The following NUP214 variants were observed in gnomAD, a reference collection of about 807,000 sequenced individuals.
The protein encoded by NUP214 is nuclear pore complex protein Nup214.
In NUP214, 79 loss-of-function variants were observed where a neutral mutation model predicts 196.2. The observed-to-expected ratio is 0.40, with a 90% CI of 0.34 to 0.49. The LOEUF (loss-of-function observed/expected upper bound fraction) is 0.49. NUP214 is among the 20% of genes least tolerant of loss of function. NUP214 has a pLI of 0.58. For missense variants in NUP214, 2,468 were observed against 2,539.0 expected (o/e 0.97, Z 0.60); for synonymous variants, 1,020 against 990.5 (o/e 1.03, Z -0.56).
Position 131,233,674 on chromosome 9 carries a change from C to T in NUP214, c.*187C>T, listed in dbSNP as rs183733867. On this transcript the variant is annotated 3_prime_UTR_variant, in exon 36 of 36. Transcript: ENST00000359428. The stretch of plus-strand genomic sequence containing the variant: ...TTTTATATTTCATGTTGGGTTTTCC[C>T]TCCCACTATTAAACAGTCTGTTTCC... 8 of 690,608 alleles carry T rather than the reference C, an allele frequency of 1.2e-5. No homozygotes were observed. The highest frequency in any genetic ancestry group is 8.5e-5 in the East Asian group (3 of 35,420). The allele number at this position is 690,608 out of a possible 1,614,324, so 42.8% of individuals were successfully genotyped here.
rs1323797029 is a variant in NUP214, at chr9:131,152,964, T to TG, written c.2436+1074dup. On this transcript the variant is annotated intron_variant, in intron 17 of 35. Coordinates refer to ENST00000359428, the MANE Select transcript of NUP214 (RefSeq NM_005085.4). Reference sequence around the variant, plus strand: ...CTGATTTTTAAATTTTTTGTAGAGATGGGGTCTCACTACATTATCCAGGCT... The same window carrying TG: ...CTGATTTTTAAATTTTTTGTAGAGATGGGGGTCTCACTACATTATCCAGGCT... 3.3e-5 allele frequency among the ~76,000 whole-genome samples: 5 copies of TG among 152,014 alleles called. No homozygotes were observed. In the East Asian group the frequency reaches 5.8e-4, roughly 18 times the overall value.
At chr9:131,164,314 C>T in intron 21 of NUP214, 170 bp downstream of exon 21, 1 of 617,112 alleles carries the variant, frequency 1.6e-6, no homozygotes, top group Non-Finnish European at 2.9e-6. Context: ...TCTCCAGAAT[C>T]TGTTGTTAAT....
intron 28 of NUP214, among the ~76,000 whole-genome samples, 169 bp from the exon 29 acceptor site, chr9:131,197,047 G>A (rs559538420): frequency 6.6e-6 from 1 of 152,330 alleles, no homozygotes; most frequent in South Asian, 2.1e-4. Context: ...TGATGTTTGT[G>A]TGGAGAAGCA....
chr9:131,210,514 C>G (rs1834210286), intron 30 of NUP214, among the ~76,000 whole-genome samples: 1 of 151,924 alleles, frequency 6.6e-6, no homozygotes, highest in Non-Finnish European at 1.5e-5. Context: ...GTAGTCCCAG[C>G]TACTCGGGAG....
chr9:131,178,416 T>G lies in NUP214; in HGVS notation c.3419+6T>G, dbSNP rs758326079. On this transcript the variant is annotated splice_donor_region_variant and intron_variant, in intron 24 of 35. Coordinates refer to ENST00000359428, the MANE Select transcript of NUP214 (RefSeq NM_005085.4). ...ACCCCTTCTACAGCCATGGGGTATG[T>G]TCTGACTGCAGTGTGTTTCAGCCCC... The G allele has an allele frequency of 3.1e-6, 5 of 1,597,816 alleles. No homozygotes were observed. In the South Asian group the frequency reaches 5.5e-5, roughly 18 times the overall value.
chr9:131,156,130 C>CTTTTTTTTTTTTTTTTTTTTTTGT (rs71389397), intron 17 of NUP214, among the ~76,000 whole-genome samples: 1 of 70,900 alleles, frequency 1.4e-5, no homozygotes, highest in Non-Finnish European at 2.8e-5. Flanking sequence ...GTATTTCTGT[C>CTTTTTTTTTTTTTTTTTTTTTTGT]TTTTTTTTTT....
intron 4 of NUP214, among the ~76,000 whole-genome samples, chr9:131,129,912 C>G (rs2133445046): frequency 6.6e-6 from 1 of 151,868 alleles, no homozygotes; most frequent in East Asian, 1.9e-4. Flanking sequence ...TGAGAGTATT[C>G]TTTATACCCA....
chr9:131,135,978 T>C lies in NUP214; in HGVS notation c.977T>C (p.Val326Ala), dbSNP rs1204422398. The C allele has an allele frequency of 6.2e-7, 1 of 1,613,902 alleles. No homozygotes were observed. ...VLAASAASTE[V>A]SILARQSDQI... ...GCAGCATCTGCGGCTTCAACAGAAG[T>C]TAGTATCCTTGCTCGACAAAGTGAT... The change falls in exon 9 of 36, where the codon GTT becomes GCT. Residue 326 changes from valine (V) to alanine (A), a missense_variant. Val to Ala is a moderately conservative substitution (Grantham distance 64, BLOSUM62 0). Around this residue, in one of 5 missense-constraint regions of NUP214, gnomAD observed 392 missense variants for 417.9 expected, o/e 0.94. Coordinates refer to ENST00000359428, the MANE Select transcript of NUP214 (RefSeq NM_005085.4).
chr9:131,127,729 C>CTGGT lies in NUP214; in HGVS notation c.241+12_241+15dup, dbSNP rs752689952. On this transcript the variant is annotated intron_variant, in intron 2 of 35. Transcript: ENST00000359428. ...GATCCCAACAAAATAGGTAAGTTCC[C>CTGGT]TGGTTTATGTTGCAAAGTAGAGAGA... 2.5e-6 allele frequency: 4 copies of CTGGT among 1,605,594 alleles called. No homozygotes were observed. The highest frequency in any genetic ancestry group is 3.4e-6 in the Non-Finnish European group (4 of 1,173,042).
Position 131,129,369 on chromosome 9 carries a change from C to T in NUP214, c.484C>T (p.Pro162Ser), listed in dbSNP as rs1444417382. Residue 162 changes from proline to serine, a missense_variant, in exon 4 of 36, where the codon CCC becomes TCC. Transcript: ENST00000359428. ...TGATATGAAGTGGAACCCCACTGTC[C>T]CCTCCATGGTGGCAGTTTGTCTGGC... ...VIDMKWNPTV[P>S]SMVAVCLADG... is the part of the protein sequence containing the mutation. The T allele has an allele frequency of 6.2e-7, 1 of 1,613,990 alleles. No homozygotes were observed. The highest frequency in any genetic ancestry group is 2.2e-5 in the East Asian group (1 of 44,880).
At chr9:131,149,352 G>A (rs1020533191) in intron 14 of NUP214, among the ~76,000 whole-genome samples, 2 of 151,574 alleles carry the variant, frequency 1.3e-5, no homozygotes, top group African/African-American at 4.9e-5. Context: ...TATCTTTAAA[G>A]CAGAACTCTT....
rs1554728078 is a variant in NUP214, at chr9:131,130,144, T to TTG, written c.593-621_593-620insGT. On this transcript the variant is annotated intron_variant, in intron 4 of 35. Transcript: ENST00000359428. ...AGAATGATTTCTGGTTTTGTTTTTT[T>TTG]TTTTTTGTTTTTTTTTTGAGACAGA... 5.6e-5 allele frequency among the ~76,000 whole-genome samples: 6 copies of TTG among 106,786 alleles called. 1 individual carries two copies. Among genetic ancestry groups the TTG allele is most frequent in the African/African-American group, 1.4e-4 (4 of 28,472 alleles). 70.1% of individuals were successfully genotyped at this position (106,786 alleles called of 152,430 possible).
intron 21 of NUP214, among the ~76,000 whole-genome samples, chr9:131,168,412 T>C (rs1474721798): frequency 5.3e-5 from 8 of 152,188 alleles, no homozygotes; most frequent in Non-Finnish European, 1.0e-4. Context: ...GGTAGCTGGG[T>C]GCTTTTTACT....
In NUP214 at chr9:131,144,631, G is replaced by A. The variant is rs760122887; in HGVS notation, c.1646G>A (p.Gly549Glu). The A allele has an allele frequency of 3.7e-6, 6 of 1,614,042 alleles. No individual in the cohort carries two copies. Among genetic ancestry groups the A allele is most frequent in the South Asian group, 1.1e-5 (1 of 91,074 alleles). Reference sequence around the variant, plus strand: ...CCATCAGCTGCTTCATTCTCCTTTGGATCATCTGGTTTTAAGCCTACCCTG... The same window carrying A: ...CCATCAGCTGCTTCATTCTCCTTTGAATCATCTGGTTTTAAGCCTACCCTG... ...VAPSAASFSF[G>E]SSGFKPTLES... The change falls in exon 12 of 36, where the codon GGA becomes GAA. Residue 549 changes from glycine to glutamate, a missense_variant. Coordinates refer to ENST00000359428, the MANE Select transcript of NUP214 (RefSeq NM_005085.4).
intron 30 of NUP214, among the ~76,000 whole-genome samples, chr9:131,202,821 G>A (rs529146664): frequency 2.0e-5 from 3 of 152,098 alleles, no homozygotes; most frequent in South Asian, 2.1e-4. Flanking sequence ...CCTCTGCTAC[G>A]CTATATGTAG....
chr9:131,150,326 A>G lies in NUP214; in HGVS notation c.2043A>G (p.Ala681=), dbSNP rs1417884967. 2.5e-6 allele frequency: 4 copies of G among 1,614,034 alleles called. No individual in the cohort carries two copies. The highest frequency in any genetic ancestry group is 2.5e-6 in the Non-Finnish European group (3 of 1,179,974). The change falls in exon 15 of 36, where the codon GCA becomes GCG. Residue 681 remains alanine (A), a splice_region_variant and synonymous_variant. Transcript: ENST00000359428. ...TAAACCTTTTCCTTCCATTTCAGGC[A>G]AAGTCACTTCAGCCTGCTGTTGCAG... ...PPAAKPGSPQ[A]KSLQPAVAEK...
chr9:131,159,513 T>TCTATTCCAACAC, intron 18 of NUP214, 27 bp downstream of exon 18: 4 of 1,524,626 alleles, frequency 2.6e-6, no homozygotes, highest in Non-Finnish European at 3.6e-6. Flanking sequence ...ATCTGCAATG[T>TCTATTCCAACAC]GTTGGAATAG....
intron 17 of NUP214, chr9:131,159,111 G>T: frequency 2.4e-6 from 1 of 414,294 alleles, no homozygotes; most frequent in Non-Finnish European, 4.3e-6. Context: ...ACAGAGTCTT[G>T]CTGTGTTGCC....
chr9:131,198,307 G>T lies in NUP214; in HGVS notation c.4813G>T (p.Gly1605Cys). 6.2e-7 allele frequency: 1 copy of T among 1,614,198 alleles called. No homozygotes were observed. Among genetic ancestry groups the T allele is most frequent in the Non-Finnish European group, 8.5e-7 (1 of 1,180,032 alleles). Residue 1605 changes from glycine to cysteine, a missense_variant, in exon 29 of 36, where the codon GGC (glycine) becomes TGC (cysteine). Transcript: ENST00000359428. ...CACAGCAGCTGCTATCTCAAGTGCA[G>T]GCCCTGTGGCCGTCGAAACATCAAG... Reference protein sequence around the residue: ...AVTAAAISSAGPVAVETSSTP... With the variant: ...AVTAAAISSACPVAVETSSTP...
Sources: gnomAD v4.1 joint callset for allele counts (sites outside exome capture counted in the v4.1 genomes callset) on GRCh38, gnomAD v4.1.1 for gene constraint, gnomAD v4.1.1 regional missense constraint, MANE v1.5 for transcripts, NCBI Gene and HGNC (gene_info 2026-07-23, HGNC 2026-07-21) for gene names.